LRRFIP1: variants seen among roughly 807,000 people sequenced by gnomAD.
LRRFIP1 encodes leucine-rich repeat flightless-interacting protein 1.
In LRRFIP1, 62 loss-of-function variants were observed where a neutral mutation model predicts 104.4. The ratio of observed to expected loss-of-function variants is 0.59; its 90% CI spans 0.48 to 0.73. LRRFIP1 has a LOEUF of 0.73. Among genes scored for constraint, LRRFIP1 ranks in the 30% least tolerant of loss-of-function variants. The pLI is 0.00. For missense variants in LRRFIP1, 796 were observed against 824.5 expected, an observed-to-expected ratio of 0.97 and a Z score of 0.42; for synonymous variants, 300 against 299.0, an observed-to-expected ratio of 1.00 and a Z score of -0.03.
At position 237,711,411 on chromosome 2, in the gene LRRFIP1, G is replaced by A. The variant is rs754650617; in HGVS notation, c.183+2781G>A. 3.3e-5 allele frequency among the ~76,000 whole-genome samples: 5 copies of A among 152,340 alleles called. No homozygotes were observed. Among genetic ancestry groups the A allele is most frequent in the Middle Eastern group, 3.4e-3 (1 of 294 alleles). On this transcript the variant is annotated intron_variant, in intron 2 of 23. Transcript: ENST00000308482. The surrounding 1 kb of genome is among the most constrained non-coding windows in gnomAD (Gnocchi z 4.4). ...CTGTTGCAAATTCGGCGGAACATCC[G>A]CCACTGAGAGCGGTGGTTTTGGTCT...
At chr2:237,709,681 C>G (rs953818448) in intron 2 of LRRFIP1, among the ~76,000 whole-genome samples, 1 of 152,074 alleles carries the variant, frequency 6.6e-6, no homozygotes, top group Non-Finnish European at 1.5e-5. Context: ...CATTGCCCTC[C>G]GCTGCTAGGA....
chr2:237,733,760 C>T lies in LRRFIP1; in HGVS notation c.445-14C>T. The T allele has an allele frequency of 1.2e-6, 2 of 1,613,912 alleles. No individual in the cohort carries two copies. The highest frequency in any genetic ancestry group is 2.2e-5 in the South Asian group (2 of 91,084). On this transcript the variant is annotated splice_polypyrimidine_tract_variant and intron_variant, in intron 8 of 23. Transcript: ENST00000308482. ...CAAGGCTTTTAAAACCTGCCATTTG[C>T]TTTCATCCTCCAGCCCTCCTGTCTG...
intron 1 of LRRFIP1, among the ~76,000 whole-genome samples, chr2:237,701,055 A>T (rs2093494055): frequency 1.3e-5 from 2 of 152,166 alleles, no homozygotes; most frequent in South Asian, 4.1e-4. Flanking sequence ...GTAATTCTAC[A>T]CTAGGCTGGA....
intron 1 of LRRFIP1, among the ~76,000 whole-genome samples, chr2:237,676,934 T>A (rs982958565): frequency 2.6e-5 from 4 of 152,268 alleles, no homozygotes; most frequent in Admixed American, 1.3e-4. Flanking sequence ...CTGGCTCCTG[T>A]TTTCTGGGGA....
intron 7 of LRRFIP1, among the ~76,000 whole-genome samples, chr2:237,726,504 G>A (rs865926119): frequency 4.3e-4 from 66 of 152,202 alleles, no homozygotes; most frequent in African/African-American, 1.5e-3. Context: ...ATTCATGAGG[G>A]CACTGTTCTA....
intron 7 of LRRFIP1, among the ~76,000 whole-genome samples, chr2:237,726,435 A>G (rs980230972): frequency 6.6e-6 from 1 of 151,952 alleles, no homozygotes; most frequent in African/African-American, 2.4e-5. Flanking sequence ...CATGTTTAGC[A>G]CCTCCCATAT....
intron 1 of LRRFIP1, among the ~76,000 whole-genome samples, chr2:237,694,819 C>T (rs2093056707): frequency 6.6e-6 from 1 of 152,214 alleles, no homozygotes; most frequent in South Asian, 2.1e-4. Flanking sequence ...ATTTCTGCAG[C>T]TTTTGTAACT....
intron 16 of LRRFIP1, among the ~76,000 whole-genome samples, 160 bp from the exon 17 acceptor site, chr2:237,757,296 A>T (rs539919164): frequency 6.6e-6 from 1 of 152,350 alleles, no homozygotes; most frequent in East Asian, 1.9e-4. Context: ...AAGTAGGACA[A>T]GGAAAAAAAT....
chr2:237,696,850 G>A (rs575821585), intron 1 of LRRFIP1, among the ~76,000 whole-genome samples: 1 of 152,326 alleles, frequency 6.6e-6, no homozygotes, highest in Admixed American at 6.5e-5. Flanking sequence ...TGGCAGCCCT[G>A]CTGTCTCATA....
chr2:237,751,328 A>T, intron 14 of LRRFIP1, 57 bp downstream of exon 14: 1 of 1,354,618 alleles, frequency 7.4e-7, no homozygotes, highest in Non-Finnish European at 1.0e-6. Context: ...CTTAAAAAAA[A>T]AAACAACATC....
At chr2:237,716,660 A>G (rs1271720160) in intron 3 of LRRFIP1, among the ~76,000 whole-genome samples, 1 of 152,236 alleles carries the variant, frequency 6.6e-6, no homozygotes, top group African/African-American at 2.4e-5. Context: ...TGATTATAAG[A>G]TTTTAATGTA....
chr2:237,701,750 T>A (rs896120742), intron 1 of LRRFIP1, among the ~76,000 whole-genome samples: 5 of 152,166 alleles, frequency 3.3e-5, no homozygotes, highest in African/African-American at 4.8e-5. Context: ...GCTGTGTGGT[T>A]CTGTCTAGAA....
intron 4 of LRRFIP1, among the ~76,000 whole-genome samples, chr2:237,718,321 T>C (rs993370356): frequency 4.6e-5 from 7 of 152,256 alleles, no homozygotes; most frequent in African/African-American, 1.4e-4. Flanking sequence ...TGTTGGGTTC[T>C]CTCTTCATCT....
chr2:237,747,273 TCCAGGTGTCGTTGGA>T (rs1210614118), intron 11 of LRRFIP1, among the ~76,000 whole-genome samples: 1 of 152,218 alleles, frequency 6.6e-6, no homozygotes, highest in Non-Finnish European at 1.5e-5. Flanking sequence ...TTAGTGTTGC[TCCAGGTGTCGTTGGA>T]GGAGAAGTTG....
At chr2:237,651,711 T>C (rs1309840423) in intron 1 of LRRFIP1, among the ~76,000 whole-genome samples, 4 of 152,388 alleles carry the variant, frequency 2.6e-5, no homozygotes, top group Admixed American at 6.5e-5. Context: ...TAATTTAAAA[T>C]TTTATATTAG....
rs2094078234 is a variant in LRRFIP1 at position 237,711,403 on chromosome 2, G to A, written c.183+2773G>A. Among the ~76,000 whole-genome samples the A allele has an allele frequency of 6.6e-6, 1 of 152,234 alleles. No individual in the cohort carries two copies. The highest frequency in any genetic ancestry group is 2.1e-4 in the South Asian group (1 of 4,832). Reference sequence around the variant, plus strand: ...ATCTCGCCCTGTTGCAAATTCGGCGGAACATCCGCCACTGAGAGCGGTGGT... The same window carrying A: ...ATCTCGCCCTGTTGCAAATTCGGCGAAACATCCGCCACTGAGAGCGGTGGT... On this transcript the variant is annotated intron_variant, in intron 2 of 23. Coordinates refer to ENST00000308482, the MANE Select transcript of LRRFIP1 (RefSeq NM_001137550.2). This position sits in a 1 kb window ranked among gnomAD's most constrained non-coding sequence, Gnocchi z 4.4.
At chr2:237,765,018 T>C (rs2060164432) in intron 19 of LRRFIP1, 1 of 961,850 alleles carries the variant, frequency 1.0e-6, no homozygotes, top group African/African-American at 1.8e-5. Context: ...TCTCAGTACA[T>C]TGGGAGGCCA....
At chr2:237,710,534 G>A (rs748874344) in intron 2 of LRRFIP1, among the ~76,000 whole-genome samples, 8 of 151,764 alleles carry the variant, frequency 5.3e-5, no homozygotes, top group African/African-American at 9.7e-5. Context: ...TGATTCCCCC[G>A]TTTCAGCCTC....
intron 1 of LRRFIP1, among the ~76,000 whole-genome samples, chr2:237,634,410 T>C (rs1413152137): frequency 6.6e-6 from 1 of 152,234 alleles, no homozygotes. Context: ...CAGGACAGAC[T>C]GCTTAAGAAT....
Sources: gnomAD v4.1 joint callset for allele counts (sites outside exome capture counted in the v4.1 genomes callset) on GRCh38, gnomAD v4.1.1 for gene constraint, Gnocchi (gnomAD v3.1) non-coding constraint, MANE v1.5 for transcripts, NCBI Gene and HGNC (gene_info 2026-07-23, HGNC 2026-07-21) for gene names.